Variants in WNK3 observed in about 807,000 individuals in gnomAD.
WNK3 encodes the protein serine/threonine-protein kinase WNK3.
In WNK3, 18 loss-of-function variants were observed where a neutral mutation model predicts 116.7. That is an observed-to-expected ratio of 0.15 (90% confidence interval 0.11 to 0.23). The LOEUF is 0.23. WNK3 is among the 10% of genes least tolerant of loss of function. WNK3 has a pLI of 1.00. For synonymous variants in WNK3, 404 were observed against 469.4 expected, an observed-to-expected ratio of 0.86 and a Z score of 1.80; for missense variants, 993 against 1,323.8, an observed-to-expected ratio of 0.75 and a Z score of 3.88.
chrX:54,200,021 G>A (rs1557141285), intron 23 of WNK3, among the ~76,000 whole-genome samples: 1 of 111,395 alleles, frequency 9.0e-6, no homozygotes, highest in Non-Finnish European at 1.9e-5. Flanking sequence ...TTGCGTATGC[G>A]ATCCTTTCCG....
intron 6 of WNK3, among the ~76,000 whole-genome samples, chrX:54,300,937 C>T (rs2068750739): frequency 9.0e-6 from 1 of 111,170 alleles, no homozygotes; most frequent in South Asian, 3.8e-4. Flanking sequence ...AGCAACTGTC[C>T]AAAGCTGAAA....
At chrX:54,214,457 G>C (rs1240430322) in intron 22 of WNK3, among the ~76,000 whole-genome samples, 2 of 111,214 alleles carry the variant, frequency 1.8e-5, no homozygotes, top group Non-Finnish European at 3.8e-5. Context: ...TAAGGGCCTG[G>C]GTAAACTTTC....
intron 10 of WNK3, among the ~76,000 whole-genome samples, chrX:54,291,310 C>T (rs911820339): frequency 1.4e-4 from 16 of 110,355 alleles, no homozygotes; most frequent in African/African-American, 5.3e-4. Context: ...GAGACTCCAT[C>T]TCAAAAAAAA....
intron 2 of WNK3, among the ~76,000 whole-genome samples, chrX:54,316,171 A>G (rs2068953122): frequency 9.0e-6 from 1 of 111,012 alleles, no homozygotes; most frequent in Admixed American, 9.7e-5. Flanking sequence ...CCCCAATGTG[A>G]CTGTATTTGG....
intron 22 of WNK3, among the ~76,000 whole-genome samples, chrX:54,215,256 T>G (rs2067674084): frequency 9.0e-6 from 1 of 110,988 alleles, no homozygotes; most frequent in Admixed American, 9.6e-5. Flanking sequence ...GGCTGGACTG[T>G]ACTGCCGCCA....
chrX:54,202,275 G>T (rs1557141841), intron 22 of WNK3, 82 bp from the exon 23 acceptor site: 1 of 914,393 alleles, frequency 1.1e-6, no homozygotes, highest in East Asian at 3.4e-5. Context: ...GGCCAACAAA[G>T]CAGTTAACAG....
chrX:54,237,110 C>T, exon 20 of WNK3: 1 of 1,212,139 alleles, frequency 8.2e-7, no homozygotes, highest in Non-Finnish European at 1.1e-6. Flanking sequence ...GTCTTTGCCA[C>T]TGACTTTCCA....
chrX:54,210,662 G>A (rs2067603345), intron 22 of WNK3, among the ~76,000 whole-genome samples: 1 of 110,940 alleles, frequency 9.0e-6, no homozygotes, highest in South Asian at 3.8e-4. Flanking sequence ...AGTCTGGTTT[G>A]GAACCCATCT....
intron 3 of WNK3, 105 bp downstream of exon 3, chrX:54,311,014 C>G: frequency 1.7e-6 from 1 of 602,354 alleles, no homozygotes; most frequent in Non-Finnish European, 2.5e-6. Context: ...TGCGCCTGGC[C>G]AGATTCTAAA....
chrX:54,310,969 G>A (rs1412676138), intron 3 of WNK3, 150 bp downstream of exon 3: 1 of 403,214 alleles, frequency 2.5e-6, no homozygotes, highest in African/African-American at 2.7e-5. Context: ...ACCCTCCTCA[G>A]TCTCCCAAAG....
At chrX:54,249,473 T>C in exon 17 of WNK3, 2 of 1,211,979 alleles carry the variant, frequency 1.7e-6, no homozygotes, top group South Asian at 1.8e-5. Flanking sequence ...TGATAAAGTA[T>C]AGCTGGCTGC....
chrX:54,341,388 C>A (rs1247436957), intron 1 of WNK3, among the ~76,000 whole-genome samples: 3 of 108,616 alleles, frequency 2.8e-5, no homozygotes, highest in Non-Finnish European at 5.7e-5. Flanking sequence ...AAGAGTGAAG[C>A]TCCATCTCAA....
chrX:54,352,294 G>A (rs1557178632), intron 1 of WNK3, among the ~76,000 whole-genome samples: 2 of 111,854 alleles, frequency 1.8e-5, no homozygotes, highest in African/African-American at 6.5e-5. Context: ...TGGTGAGGAT[G>A]TGGAGAAATG....
intron 20 of WNK3, among the ~76,000 whole-genome samples, chrX:54,233,596 T>A (rs184225752): frequency 6.4e-5 from 7 of 110,090 alleles, no homozygotes; most frequent in African/African-American, 1.7e-4. Context: ...TAATCACTCA[T>A]GAAGAAAAAG....
chrX:54,205,379 T>C (rs2067543819), intron 22 of WNK3, among the ~76,000 whole-genome samples: 1 of 112,330 alleles, frequency 8.9e-6, no homozygotes, highest in South Asian at 3.7e-4. Context: ...AGGACTCTTC[T>C]TGTGTATAAC....
intron 2 of WNK3, among the ~76,000 whole-genome samples, chrX:54,311,967 C>G (rs1210315961): frequency 9.0e-6 from 1 of 110,755 alleles, no homozygotes; most frequent in Non-Finnish European, 1.9e-5. Context: ...CCCCATACAC[C>G]GTCTCTGACC....
chrX:54,314,068 G>C (rs1325036772), intron 2 of WNK3, among the ~76,000 whole-genome samples: 1 of 107,996 alleles, frequency 9.3e-6, no homozygotes. Flanking sequence ...TGGCACGTGC[G>C]TGTAATCCCA....
At chrX:54,237,097 C>T (rs782814352) in exon 20 of WNK3, 1 of 1,211,840 alleles carries the variant, frequency 8.3e-7, no homozygotes, top group Non-Finnish European at 1.1e-6. Context: ...ACTCTCTGGA[C>T]CAGTCTTTGC....
At chrX:54,262,930 CAAA>C (rs1302359229) in intron 10 of WNK3, among the ~76,000 whole-genome samples, 1 of 8,039 alleles carries the variant, frequency 1.2e-4, no homozygotes, top group Non-Finnish European at 2.2e-4. Context: ...GAAACTGTCT[CAAA>C]AAAAAAAAAA....
Sources: gnomAD v4.1 joint callset for allele counts (sites outside exome capture counted in the v4.1 genomes callset) on GRCh38, gnomAD v4.1.1 for gene constraint, MANE v1.5 for transcripts, NCBI Gene and HGNC (gene_info 2026-07-23, HGNC 2026-07-21) for gene names.